The following ADGRL3 variants were observed in gnomAD, a reference collection of about 807,000 sequenced individuals.
ADGRL3 encodes calcium-independent alpha-latrotoxin receptor 3.
A neutral mutation model predicts 153.5 loss-of-function variants in ADGRL3; 62 were observed. The observed-to-expected ratio is 0.40, with a 90% CI of 0.33 to 0.50. ADGRL3 has a LOEUF of 0.50. ADGRL3 is among the 20% of genes least tolerant of loss of function. ADGRL3 has a pLI of 0.47. For synonymous variants in ADGRL3, 710 were observed against 672.5 expected (o/e 1.06, Z -0.86); for missense variants, 1,641 against 1,859.4 (o/e 0.88, Z 2.16).
intron 2 of ADGRL3, among the ~76,000 whole-genome samples, chr4:61,473,059 A>C (rs191639974): frequency 6.6e-6 from 1 of 152,242 alleles, no homozygotes; most frequent in African/African-American, 2.4e-5. Context: ...TCCACTGGGG[A>C]ATTTTTTCAG....
At position 61,294,903 on chromosome 4, in the gene ADGRL3, T is replaced by A. The variant is rs5858692; in HGVS notation, c.-239-88221T>A. ...AAATTTTACACACACACACACACAC[T>A]CACACACACACACACACACACACAC... On this transcript the variant is annotated intron_variant, in intron 1 of 26. Transcript: ENST00000683033. Among the ~76,000 whole-genome samples the A allele has an allele frequency of 5.1e-3, 667 of 131,052 alleles. 14 individuals carry two copies. Among genetic ancestry groups the A allele is most frequent in the African/African-American group, 7.1e-3 (268 of 37,620 alleles). The allele number at this position is 131,052 out of a possible 152,430, so 86.0% of individuals were successfully genotyped here.
intron 1 of ADGRL3, among the ~76,000 whole-genome samples, chr4:61,315,652 C>G (rs1172833572): frequency 6.6e-6 from 1 of 152,150 alleles, no homozygotes; most frequent in Non-Finnish European, 1.5e-5. Context: ...ACCTCCAACT[C>G]CTGGAAACCA....
intron 17 of ADGRL3, among the ~76,000 whole-genome samples, chr4:61,971,221 T>C (rs1012045137): frequency 2.0e-5 from 3 of 151,994 alleles, no homozygotes; most frequent in Admixed American, 2.0e-4. Flanking sequence ...GTTAGTTACA[T>C]ATGTATACAT....
Position 62,071,714 on chromosome 4 carries a change from C to T in ADGRL3, c.*806C>T, listed in dbSNP as rs1274488512. The stretch of plus-strand genomic sequence containing the variant: ...TCTACCAGTAAGAGAGCAAAGTTTC[C>T]TTCCTTTCTTCTCTTTCTTCATTTT... On this transcript the variant is annotated 3_prime_UTR_variant, in exon 27 of 27. Transcript: ENST00000683033. 1.7e-5 allele frequency: 7 copies of T among 419,290 alleles called. No homozygotes were observed. The highest frequency in any genetic ancestry group is 3.6e-5 in the South Asian group (2 of 55,972). 26.0% of individuals were successfully genotyped at this position (419,290 alleles called of 1,614,324 possible). A position where few individuals can be genotyped will look rare whatever the true frequency, so the allele number is the denominator to read the frequency against.
chr4:62,016,288 C>A (rs1031004964), intron 21 of ADGRL3, among the ~76,000 whole-genome samples: 4 of 152,142 alleles, frequency 2.6e-5, no homozygotes, highest in African/African-American at 9.7e-5. Context: ...ACCTCATGAT[C>A]TGCCCCCCTC....
intron 4 of ADGRL3, among the ~76,000 whole-genome samples, chr4:61,585,539 A>G (rs1204526911): frequency 3.9e-5 from 6 of 152,150 alleles, no homozygotes; most frequent in South Asian, 4.1e-4. Flanking sequence ...GTTTAAATAC[A>G]TGTCTTTTGT....
intron 2 of ADGRL3, among the ~76,000 whole-genome samples, chr4:61,448,895 G>GAGAGGGAAGGAAGGAAGGAAGA (rs1484889029): frequency 1.3e-4 from 18 of 139,904 alleles, no homozygotes; most frequent in African/African-American, 4.5e-4. Context: ...AGGAAGAAGG[G>GAGAGGGAAGGAAGGAAGGAAGA]AGGGAGGGAG....
intron 9 of ADGRL3, among the ~76,000 whole-genome samples, chr4:61,848,387 T>G (rs2098162776): frequency 6.6e-6 from 1 of 151,556 alleles, no homozygotes; most frequent in Non-Finnish European, 1.5e-5. Context: ...CAAGAAGTCC[T>G]TGCTTGTGAC....
At chr4:61,557,789 G>GT (rs113148719) in intron 4 of ADGRL3, among the ~76,000 whole-genome samples, 138 of 144,046 alleles carry the variant, frequency 9.6e-4, no homozygotes, top group African/African-American at 2.0e-3. Flanking sequence ...GGGTTTCAGT[G>GT]TTTTTTTTTT....
At chr4:61,954,651 C>A (rs1011094420) in intron 17 of ADGRL3, among the ~76,000 whole-genome samples, 1 of 152,004 alleles carries the variant, frequency 6.6e-6, no homozygotes, top group Non-Finnish European at 1.5e-5. Flanking sequence ...AGCCACTGGC[C>A]TCCTTGCCTT....
intron 8 of ADGRL3, among the ~76,000 whole-genome samples, chr4:61,788,709 A>G (rs1187825403): frequency 2.0e-5 from 3 of 152,182 alleles, no homozygotes; most frequent in Non-Finnish European, 4.4e-5. Context: ...CCAGAAAAAG[A>G]ATTTAGGAGG....
intron 2 of ADGRL3, among the ~76,000 whole-genome samples, chr4:61,392,448 A>G (rs1396788251): frequency 6.6e-6 from 1 of 151,362 alleles, no homozygotes; most frequent in Non-Finnish European, 1.5e-5. Context: ...GCACTTTGGG[A>G]GGCAGAGGGA....
chr4:61,672,645 G>A (rs2095046898), intron 5 of ADGRL3, among the ~76,000 whole-genome samples: 1 of 152,006 alleles, frequency 6.6e-6, no homozygotes, highest in African/African-American at 2.4e-5. Flanking sequence ...ATACCTGTTA[G>A]AAGGGTTATG....
rs1560664960 is a variant in ADGRL3 at position 61,456,440 on chromosome 4, GATATATCTATATCTATAT to G, written c.-173-40675_-173-40658del. On this transcript the variant is annotated intron_variant, in intron 2 of 26. Transcript: ENST00000683033. The stretch of plus-strand genomic sequence containing the variant: ...AGATATATCTATATCTATATATATA[GATATATCTATATCTATAT>G]ATATAGATATATCTATATCTATATA... Among the ~76,000 whole-genome samples, 668 of 97,848 alleles carry G rather than the reference GATATATCTATATCTATAT, an allele frequency of 6.8e-3. 19 individuals carry two copies. The highest frequency in any genetic ancestry group is 0.022 in the African/African-American group (573 of 25,794). 64.2% of individuals were successfully genotyped at this position (97,848 alleles called of 152,430 possible).
chr4:61,206,093 G>A (rs894954219), intron 1 of ADGRL3, among the ~76,000 whole-genome samples: 3 of 152,022 alleles, frequency 2.0e-5, no homozygotes, highest in South Asian at 2.1e-4. Flanking sequence ...AAAGGGGAGC[G>A]TTTCTATATT....
chr4:61,237,333 G>A (rs949772423), intron 1 of ADGRL3, among the ~76,000 whole-genome samples: 7 of 152,034 alleles, frequency 4.6e-5, no homozygotes, highest in African/African-American at 1.4e-4. Flanking sequence ...TTTGGTCCTG[G>A]GTTTCTGTTG....
At chr4:61,909,488 G>C (rs74518764) in intron 11 of ADGRL3, 72 bp from the exon 12 acceptor site, 2 of 1,019,164 alleles carry the variant, frequency 2.0e-6, no homozygotes, top group Non-Finnish European at 1.4e-6. Context: ...ATGCAAACAT[G>C]ATCGTTGAAA....
chr4:61,997,647 A>G (rs888639084), intron 20 of ADGRL3, among the ~76,000 whole-genome samples: 7 of 152,094 alleles, frequency 4.6e-5, no homozygotes, highest in East Asian at 3.9e-4. Flanking sequence ...CAGTGATATG[A>G]CAATACCATT....
At chr4:61,457,130 T>TA (rs970195125) in intron 2 of ADGRL3, among the ~76,000 whole-genome samples, 68 of 152,132 alleles carry the variant, frequency 4.5e-4, no homozygotes, top group African/African-American at 1.6e-3. Flanking sequence ...TTATGTTTTT[T>TA]AAAAAATCAA....
Sources: allele counts gnomAD v4.1 joint callset (sites outside exome capture counted in the v4.1 genomes callset), GRCh38; gene constraint gnomAD v4.1.1; transcripts MANE v1.5; gene names NCBI Gene and HGNC (gene_info 2026-07-23, HGNC 2026-07-21).